Variants in DNAH5 observed in about 807,000 individuals in gnomAD.
DNAH5 encodes axonemal beta dynein heavy chain 5.
DNAH5 carries 372 observed loss-of-function variants against 518.2 expected under a neutral mutation model. The ratio of observed to expected loss-of-function variants is 0.72; its 90% CI spans 0.66 to 0.78. The LOEUF (loss-of-function observed/expected upper bound fraction) is 0.78. DNAH5 is among the 30% of genes least tolerant of loss of function. DNAH5 has a pLI of 0.00. For missense variants in DNAH5, 5,523 were observed against 5,687.0 expected (o/e 0.97, Z 0.93); for synonymous variants, 2,039 against 2,025.9 (o/e 1.01, Z -0.17).
chr5:13,829,955 A>G, intron 37 of DNAH5, 71 bp downstream of exon 37: 1 of 1,408,308 alleles, frequency 7.1e-7, no homozygotes, highest in South Asian at 1.2e-5. Flanking sequence ...CAGATGACAT[A>G]TGACCAGGGA....
chr5:13,694,495 T>A (rs1285051785), intron 78 of DNAH5, among the ~76,000 whole-genome samples: 1 of 152,184 alleles, frequency 6.6e-6, no homozygotes, highest in Non-Finnish European at 1.5e-5. Context: ...ATCACCTAAG[T>A]ATGTTTAAAG....
intron 34 of DNAH5, among the ~76,000 whole-genome samples, chr5:13,840,320 T>C (rs1032793268): frequency 7.1e-6 from 1 of 141,234 alleles, no homozygotes; most frequent in South Asian, 2.3e-4. Flanking sequence ...ATTTATTTTA[T>C]AGTAGAGGAC....
intron 30 of DNAH5, among the ~76,000 whole-genome samples, chr5:13,858,078 A>C (rs1767874536): frequency 1.3e-5 from 2 of 152,188 alleles, no homozygotes; most frequent in African/African-American, 4.8e-5. Context: ...GTATATACCC[A>C]AAGGACTATA....
rs1311123080 is a variant in DNAH5 at position 13,717,523 on chromosome 5, G to A, written c.12500-3C>T. 1.9e-6 allele frequency: 3 copies of A among 1,612,918 alleles called. No homozygotes were observed. The highest frequency in any genetic ancestry group is 2.5e-6 in the Non-Finnish European group (3 of 1,178,974). On this transcript the variant is annotated splice_region_variant and splice_polypyrimidine_tract_variant and intron_variant, in intron 72 of 78. Coordinates refer to ENST00000265104, the MANE Select transcript of DNAH5 (RefSeq NM_001369.3). Reference sequence around the variant, plus strand: ...GTCCAGCAGGTCTTGGCTGACACCTGTTGTGGTCAGTTGGGTGAAAAATGT... The same window carrying A: ...GTCCAGCAGGTCTTGGCTGACACCTATTGTGGTCAGTTGGGTGAAAAATGT...
chr5:13,844,605 C>A lies in DNAH5; in HGVS notation c.5271+232G>T, dbSNP rs13358551. 0.4 allele frequency among the ~76,000 whole-genome samples: 60,932 copies of A among 151,852 alleles called. 12,607 individuals are homozygous for A. Among genetic ancestry groups the A allele is most frequent in the East Asian group, 0.61 (3,143 of 5,170 alleles). On this transcript the variant is annotated intron_variant, in intron 32 of 78. Coordinates refer to ENST00000265104, the MANE Select transcript of DNAH5 (RefSeq NM_001369.3). ...AAAATCATGAATGCTACATAAATGC[C>A]TTCTTAATCCTAAACTAGCATTTTT...
intron 38 of DNAH5, among the ~76,000 whole-genome samples, chr5:13,825,905 C>A (rs1444299727): frequency 2.0e-5 from 3 of 152,216 alleles, no homozygotes; most frequent in African/African-American, 4.8e-5. Context: ...AAACTACAGT[C>A]TTCTGCTAAG....
At chr5:13,833,533 G>A (rs554325232) in intron 35 of DNAH5, among the ~76,000 whole-genome samples, 1 of 151,728 alleles carries the variant, frequency 6.6e-6, no homozygotes, top group South Asian at 2.1e-4. Context: ...GCTGTGTCAC[G>A]CCCTGTGCTG....
intron 1 of DNAH5, among the ~76,000 whole-genome samples, chr5:14,009,584 A>G (rs1341220454): frequency 6.6e-6 from 1 of 152,200 alleles, no homozygotes; most frequent in Non-Finnish European, 1.5e-5. Flanking sequence ...TTCCAAATCA[A>G]TCTTGGACTA....
chr5:13,870,195 G>A lies in DNAH5; in HGVS notation c.3834+572C>T, dbSNP rs557215760. Among the ~76,000 whole-genome samples the A allele has an allele frequency of 9.2e-5, 14 of 152,236 alleles. No homozygotes were observed. In the South Asian group the frequency reaches 2.9e-3, roughly 32 times the overall value. ...CATAGTAAGGATGAAATGAGTTACT[G>A]CATATATGGACACTGTTAACGCCCC... On this transcript the variant is annotated intron_variant, in intron 24 of 78. Transcript: ENST00000265104.
At chr5:13,871,532 T>C (rs1188313688) in intron 23 of DNAH5, 32 bp downstream of exon 23, 1 of 1,561,600 alleles carries the variant, frequency 6.4e-7, no homozygotes, top group African/African-American at 1.4e-5. Context: ...AATGGCTAAT[T>C]TATATAACTA....
intron 31 of DNAH5, among the ~76,000 whole-genome samples, chr5:13,845,849 T>TA (rs1765922270): frequency 6.7e-6 from 1 of 149,932 alleles, no homozygotes; most frequent in Non-Finnish European, 1.5e-5. Flanking sequence ...TTTTTTTTTT[T>TA]AGACAGAGTC....
rs1445868931 is a variant in DNAH5 at position 13,792,193 on chromosome 5, C to A, written c.8249G>T (p.Cys2750Phe). Reference sequence around the variant, plus strand: ...TTCTTCTGAGAAACCCCTCTGAGTACAGTAGTGGCCTACCCCAATCACACC... The same window carrying A: ...TTCTTCTGAGAAACCCCTCTGAGTAAAGTAGTGGCCTACCCCAATCACACC... ...IFGVIGVGHY[C>F]TQRGFSEEVR... Residue 2750 changes from cysteine (C) to phenylalanine (F), a missense_variant, in exon 50 of 79, where the codon TGT (cysteine) becomes TTT (phenylalanine). Coordinates refer to ENST00000265104, the MANE Select transcript of DNAH5 (RefSeq NM_001369.3). 6.2e-7 allele frequency: 1 copy of A among 1,613,798 alleles called. No homozygotes were observed. Among genetic ancestry groups the A allele is most frequent in the Non-Finnish European group, 8.5e-7 (1 of 1,179,916 alleles).
intron 61 of DNAH5, among the ~76,000 whole-genome samples, chr5:13,757,181 C>T (rs1751115987): frequency 6.6e-6 from 1 of 152,180 alleles, no homozygotes; most frequent in Admixed American, 6.5e-5. Flanking sequence ...ACACAGGTGG[C>T]TTTATAACAG....
chr5:13,982,615 A>T (rs537310391), intron 1 of DNAH5, among the ~76,000 whole-genome samples: 252 of 148,278 alleles, frequency 1.7e-3, no homozygotes, highest in African/African-American at 6.4e-3. Context: ...TGCATGAGTG[A>T]GTAGACATAT....
chr5:13,905,731 A>G (rs1487324697), intron 12 of DNAH5, among the ~76,000 whole-genome samples: 1 of 152,234 alleles, frequency 6.6e-6, no homozygotes, highest in Non-Finnish European at 1.5e-5. Flanking sequence ...TTATAAAACT[A>G]AAAACACTCA....
At chr5:13,858,861 A>C (rs1554080051) in intron 30 of DNAH5, among the ~76,000 whole-genome samples, 1 of 152,230 alleles carries the variant, frequency 6.6e-6, no homozygotes. Context: ...AAGGTAATTG[A>C]ATAAGAATCC....
intron 64 of DNAH5, among the ~76,000 whole-genome samples, 158 bp from the exon 65 acceptor site, chr5:13,751,418 C>A (rs1750208782): frequency 6.6e-6 from 1 of 151,958 alleles, no homozygotes; most frequent in Non-Finnish European, 1.5e-5. Flanking sequence ...CAGCTTCAGA[C>A]AACTAGGATG....
chr5:13,806,030 T>C (rs1236767523), intron 47 of DNAH5, among the ~76,000 whole-genome samples: 1 of 152,012 alleles, frequency 6.6e-6, no homozygotes, highest in Non-Finnish European at 1.5e-5. Flanking sequence ...CATTAGAAAA[T>C]CACCCCACAT....
At chr5:13,766,284 T>C (rs980758251) in intron 58 of DNAH5, 105 bp from the exon 59 acceptor site, 1 of 1,278,562 alleles carries the variant, frequency 7.8e-7, no homozygotes, top group Admixed American at 1.7e-5. Flanking sequence ...AGAAAACTGT[T>C]TTAAGTTAGA....
Sources: gnomAD v4.1 joint callset for allele counts (sites outside exome capture counted in the v4.1 genomes callset) on GRCh38, gnomAD v4.1.1 for gene constraint, MANE v1.5 for transcripts, NCBI Gene and HGNC (gene_info 2026-07-23, HGNC 2026-07-21) for gene names.